IRF9: variants seen among roughly 807,000 people sequenced by gnomAD.
The protein encoded by IRF9 is IFN-alpha-responsive transcription factor subunit.
Under a neutral mutation model 44.1 loss-of-function variants are expected in IRF9, and 13 were observed. The ratio of observed to expected loss-of-function variants is 0.29; its 90% CI spans 0.19 to 0.47. The LOEUF is 0.47. IRF9 is among the 20% of genes least tolerant of loss of function. IRF9 has a pLI of 1.00. For missense variants in IRF9, 373 were observed against 496.1 expected (o/e 0.75, Z 2.36); for synonymous variants, 189 against 188.5 (o/e 1.00, Z -0.02).
At chr14:24,163,830 T>C in intron 4 of IRF9, 48 bp from the exon 5 acceptor site, 3 of 1,548,012 alleles carry the variant, frequency 1.9e-6, no homozygotes, top group Non-Finnish European at 2.6e-6. Flanking sequence ...AGAGTGAAAC[T>C]CTGTCTCAAA....
At chr14:24,161,763 C>G (rs945686349) in intron 1 of IRF9, among the ~76,000 whole-genome samples, 3 of 152,152 alleles carry the variant, frequency 2.0e-5, no homozygotes, top group Non-Finnish European at 2.9e-5. Context: ...GCAGAACCTA[C>G]CTCTGCTGAT....
Position 24,163,927 on chromosome 14 carries a change from G to A in IRF9, c.545G>A (p.Ser182Asn), listed in dbSNP as rs2038491039. ...GGAVHSDIGS[S>N]SSSSSPEPQE... ...GCAGTCCATTCAGACATTGGGAGCA[G>A]CAGCAGCAGCAGCAGCCCTGAGCCA... Residue 182 changes from serine to asparagine, a missense_variant, in exon 5 of 9, where the codon AGC becomes AAC. Physicochemically the swap from Ser to Asn is conservative, Grantham distance 46. Transcript: ENST00000396864. 5 of 1,604,854 alleles carry A rather than the reference G, an allele frequency of 3.1e-6. No individual in the cohort carries two copies. Among genetic ancestry groups the A allele is most frequent in the Non-Finnish European group, 4.2e-6 (5 of 1,177,350 alleles).
intron 7 of IRF9, 98 bp from the exon 8 acceptor site, chr14:24,165,749 C>G (rs749973193): frequency 1.2e-5 from 9 of 755,646 alleles, no homozygotes; most frequent in Non-Finnish European, 2.0e-5. Flanking sequence ...AAGACCCCCT[C>G]CTACCTCTCT....
intron 3 of IRF9, 42 bp downstream of exon 3, chr14:24,163,191 T>TG: frequency 6.2e-7 from 1 of 1,603,810 alleles, no homozygotes; most frequent in Non-Finnish European, 8.5e-7. Flanking sequence ...CTCAGCAGAC[T>TG]GGGGAGGAAG....
chr14:24,165,165 A>G (rs1594390579), intron 7 of IRF9: 5 of 705,650 alleles, frequency 7.1e-6, no homozygotes, highest in Non-Finnish European at 1.3e-5. Context: ...CAGCCAAGAC[A>G]ATGGAAGAGG....
intron 2 of IRF9, 46 bp from the exon 3 acceptor site, chr14:24,162,920 G>A: frequency 2.0e-6 from 3 of 1,530,864 alleles, no homozygotes; most frequent in Non-Finnish European, 2.7e-6. Context: ...AGGGGCAGGT[G>A]GAGCCTGTAA....
chr14:24,166,416 T>C lies in IRF9; in HGVS notation c.*220T>C. On this transcript the variant is annotated 3_prime_UTR_variant, in exon 9 of 9. Coordinates refer to ENST00000396864, the MANE Select transcript of IRF9 (RefSeq NM_006084.5). ...TTAATTTTGAGATATACGCCCTCTT[T>C]CATCTGTAAGGGACTAGGAAATTCC... 1.2e-5 allele frequency: 7 copies of C among 593,296 alleles called. No homozygotes were observed. The highest frequency in any genetic ancestry group is 2.1e-5 in the Non-Finnish European group (7 of 335,630). 36.8% of individuals were successfully genotyped at this position (593,296 alleles called of 1,614,324 possible).
In IRF9 at chr14:24,164,594, T is replaced by C. The variant is rs1488679235; in HGVS notation, c.650-20T>C. On this transcript the variant is annotated intron_variant, in intron 6 of 8. Transcript: ENST00000396864. The surrounding 1 kb of genome is among the most constrained non-coding windows in gnomAD (Gnocchi z 5.2). ...GCCTGCATGCTCCTCCAGCACCAGG[T>C]AGGGCTGTTCTATCCCCAGACTACT... 6.4e-7 allele frequency: 1 copy of C among 1,563,080 alleles called. No homozygotes were observed. The highest frequency in any genetic ancestry group is 2.3e-5 in the East Asian group (1 of 44,178).
chr14:24,163,497 T>C lies in IRF9; in HGVS notation c.484T>C (p.Ser162Pro). The C allele has an allele frequency of 6.2e-7, 1 of 1,614,060 alleles. No individual in the cohort carries two copies. Reference protein sequence around the residue: ...CTLSPSVLQDSLNNEEEGASG... With the variant: ...CTLSPSVLQDPLNNEEEGASG... ...ACTCAGTCCCTCTGTGCTCCAGGAC[T>C]CCCTCAATAATGTAAGAGATGGAGA... The change falls in exon 4 of 9, where the codon TCC becomes CCC. Residue 162 changes from serine (S) to proline (P), a missense_variant. Physicochemically the swap from Ser to Pro is moderately conservative, Grantham distance 74. This residue lies in a region of IRF9 where 227 missense variants were observed against 255.3 expected (regional missense o/e 0.89). Coordinates refer to ENST00000396864, the MANE Select transcript of IRF9 (RefSeq NM_006084.5).
At position 24,166,350 on chromosome 14, in the gene IRF9, T is replaced by C. The variant is rs1160485268; in HGVS notation, c.*154T>C. 1 of 680,008 alleles carries C rather than the reference T, an allele frequency of 1.5e-6. No individual in the cohort carries two copies. The highest frequency in any genetic ancestry group is 2.5e-6 in the Non-Finnish European group (1 of 394,978). The allele number at this position is 680,008 out of a possible 1,614,324, so 42.1% of individuals were successfully genotyped here. On this transcript the variant is annotated 3_prime_UTR_variant, in exon 9 of 9. Transcript: ENST00000396864. ...CCTGAAAATCCTCGCACACACTGGC[T>C]GGTGGAGAACTCAAGGCTAATTTTT...
chr14:24,163,541 AG>A (rs746067245), intron 4 of IRF9, 33 bp downstream of exon 4: 6 of 1,603,962 alleles, frequency 3.7e-6, no homozygotes, highest in Non-Finnish European at 5.1e-6. Flanking sequence ...GGTGGGCCTA[AG>A]GGCAGGACAG....
At chr14:24,163,357 T>C (rs776616778) in intron 3 of IRF9, 21 bp from the exon 4 acceptor site, 8 of 1,610,176 alleles carry the variant, frequency 5.0e-6, no homozygotes, top group Non-Finnish European at 5.9e-6. Flanking sequence ...GACCTTTCTC[T>C]GTCCCTCAAC....
intron 2 of IRF9, chr14:24,162,606 C>T (rs919394583): frequency 1.2e-4 from 54 of 433,816 alleles, no homozygotes; most frequent in Admixed American, 3.3e-4. Flanking sequence ...TCAAGACCAG[C>T]CTGGCCAACA....
chr14:24,161,927 G>A (rs1034149606), intron 1 of IRF9, among the ~76,000 whole-genome samples: 3 of 150,498 alleles, frequency 2.0e-5, no homozygotes, highest in Non-Finnish European at 4.4e-5. Flanking sequence ...AATGTTTTGG[G>A]GGGTTTTGTT....
rs1270925231 is a variant in IRF9, at chr14:24,163,886, G to C, written c.504G>C (p.Glu168Asp). The C allele has an allele frequency of 1.9e-6, 3 of 1,591,566 alleles. No homozygotes were observed. Among genetic ancestry groups the C allele is most frequent in the African/African-American group, 1.4e-5 (1 of 72,924 alleles). Reference sequence around the variant, plus strand: ...AGACACTGTGTCCGCAGGAGGAGGAGGGGGCCAGTGGGGGAGCAGTCCATT... The same window carrying C: ...AGACACTGTGTCCGCAGGAGGAGGACGGGGCCAGTGGGGGAGCAGTCCATT... ...VLQDSLNNEE[E>D]GASGGAVHSD... Residue 168 changes from glutamate (E) to aspartate (D), a missense_variant, in exon 5 of 9, where the codon GAG becomes GAC. Glu to Asp is a conservative substitution (Grantham distance 45). This residue lies in a region of IRF9 where 227 missense variants were observed against 255.3 expected (regional missense o/e 0.89). Coordinates refer to ENST00000396864, the MANE Select transcript of IRF9 (RefSeq NM_006084.5).
In IRF9 at chr14:24,163,254, T is replaced by G. The variant is rs878962440; in HGVS notation, c.364+105T>G. 5.2e-6 allele frequency: 8 copies of G among 1,542,720 alleles called. No individual in the cohort carries two copies. In the South Asian group the frequency reaches 8.6e-5, roughly 16 times the overall value. On this transcript the variant is annotated intron_variant, in intron 3 of 8. Coordinates refer to ENST00000396864, the MANE Select transcript of IRF9 (RefSeq NM_006084.5). ...TATAGCTCTGCCCTGTCCATGCCCT[T>G]GGGGGGCTGCAACCCAGGTTTCCCT...
At position 24,164,185 on chromosome 14, in the gene IRF9, C is replaced by T; in HGVS notation, c.649+51C>T. ...TGTGCCCTGTGCCCCTGAGGTCTTC[C>T]ACCTTTGACTATGCATGCATTATCT... On this transcript the variant is annotated intron_variant, in intron 6 of 8. Transcript: ENST00000396864. The surrounding 1 kb of genome is among the most constrained non-coding windows in gnomAD (Gnocchi z 5.2). 1 of 1,464,962 alleles carries T rather than the reference C, an allele frequency of 6.8e-7. No homozygotes were observed. The highest frequency in any genetic ancestry group is 9.6e-7 in the Non-Finnish European group (1 of 1,044,574). 90.7% of individuals were successfully genotyped at this position (1,464,962 alleles called of 1,614,324 possible).
chr14:24,165,598 C>G (rs2038512714), intron 7 of IRF9: 2 of 558,324 alleles, frequency 3.6e-6, no homozygotes, highest in East Asian at 6.0e-5. Context: ...TCTAAACTCT[C>G]CCAGCAGAGA....
chr14:24,165,519 A>T, intron 7 of IRF9: 1 of 525,032 alleles, frequency 1.9e-6, no homozygotes, highest in Admixed American at 3.2e-5. Flanking sequence ...TAGCACTGGG[A>T]GGATGTGAGC....
Sources: allele counts gnomAD v4.1 joint callset (sites outside exome capture counted in the v4.1 genomes callset), GRCh38; gene constraint gnomAD v4.1.1; regional missense constraint gnomAD v4.1.1; non-coding constraint Gnocchi (gnomAD v3.1); transcripts MANE v1.5; gene names NCBI Gene and HGNC (gene_info 2026-07-23, HGNC 2026-07-21).